CNTNAP2: variants seen among roughly 807,000 people sequenced by gnomAD.
The protein encoded by CNTNAP2 is contactin associated protein 2.
A neutral mutation model predicts 155.2 loss-of-function variants in CNTNAP2; 98 were observed. That is an observed-to-expected ratio of 0.63 (90% CI 0.54 to 0.75). The LOEUF (loss-of-function observed/expected upper bound fraction) is 0.75, where lower values mean the gene tolerates loss of function less well. CNTNAP2 is among the 30% of genes least tolerant of loss of function. The pLI, the probability that CNTNAP2 is intolerant of heterozygous loss-of-function variation, is 0.00. For synonymous variants in CNTNAP2, 651 were observed against 631.2 expected, an observed-to-expected ratio of 1.03 and a Z score of -0.47; for missense variants, 1,727 against 1,688.1, an observed-to-expected ratio of 1.02 and a Z score of -0.40.
Position 147,398,723 on chromosome 7 carries a change from T to C in CNTNAP2, c.1670+2943T>C, listed in dbSNP as rs188681131. 1.9e-3 allele frequency among the ~76,000 whole-genome samples: 272 copies of C among 145,350 alleles called. 1 individual carries two copies. Among genetic ancestry groups the C allele is most frequent in the African/African-American group, 6.5e-3 (251 of 38,862 alleles). On this transcript the variant is annotated intron_variant, in intron 10 of 23. Transcript: ENST00000361727. ...AAGCTACAGAATTATGCATTCAGTA[T>C]TTATTTTCTGAGTGCATACTAGATG... is the stretch of plus-strand genomic sequence containing the variant.
intron 8 of CNTNAP2, among the ~76,000 whole-genome samples, chr7:147,219,417 G>A (rs893866751): frequency 6.6e-6 from 1 of 152,150 alleles, no homozygotes; most frequent in Non-Finnish European, 1.5e-5. Flanking sequence ...ACTGGTCTAA[G>A]TCCAAGAGTC....
At chr7:146,343,276 A>T in intron 1 of CNTNAP2, among the ~76,000 whole-genome samples, 1 of 152,174 alleles carries the variant, frequency 6.6e-6, no homozygotes, top group Non-Finnish European at 1.5e-5. Flanking sequence ...ACGCTTAGAG[A>T]ACATTCCCAC....
intron 15 of CNTNAP2, among the ~76,000 whole-genome samples, chr7:148,016,852 G>A (rs896527494): frequency 6.6e-6 from 1 of 152,118 alleles, no homozygotes; most frequent in African/African-American, 2.4e-5. Flanking sequence ...TTCTGGAATA[G>A]CATTCCTTCC....
intron 13 of CNTNAP2, among the ~76,000 whole-genome samples, chr7:147,649,933 A>T (rs926036596): frequency 2.0e-5 from 3 of 152,030 alleles, no homozygotes; most frequent in Non-Finnish European, 4.4e-5. Flanking sequence ...TAAGGAGAAA[A>T]TTTTTAAAAA....
intron 4 of CNTNAP2, among the ~76,000 whole-genome samples, chr7:147,092,418 C>A (rs1426365456): frequency 6.6e-6 from 1 of 151,934 alleles, no homozygotes; most frequent in East Asian, 1.9e-4. Context: ...CAAGAGAAAC[C>A]CTGAATTTAT....
chr7:146,198,602 G>T (rs925195596), intron 1 of CNTNAP2, among the ~76,000 whole-genome samples: 1 of 152,034 alleles, frequency 6.6e-6, no homozygotes, highest in African/African-American at 2.4e-5. Flanking sequence ...TCTACGTTAT[G>T]GTATCATCTT....
intron 8 of CNTNAP2, among the ~76,000 whole-genome samples, chr7:147,173,437 G>A (rs1802271729): frequency 6.6e-6 from 1 of 152,068 alleles, no homozygotes; most frequent in South Asian, 2.1e-4. Context: ...AACTAGTACT[G>A]ACTTTGAATC....
At chr7:146,325,330 A>G (rs1801078440) in intron 1 of CNTNAP2, among the ~76,000 whole-genome samples, 1 of 152,232 alleles carries the variant, frequency 6.6e-6, no homozygotes, top group Non-Finnish European at 1.5e-5. Context: ...ATATATGTAC[A>G]ATATTAAGAA....
chr7:147,705,294 T>G (rs961061945), intron 13 of CNTNAP2, among the ~76,000 whole-genome samples: 72 of 152,304 alleles, frequency 4.7e-4, no homozygotes, highest in African/African-American at 1.5e-3. Context: ...CTTCCTTAAT[T>G]TCTTCCTTGA....
At chr7:147,011,297 C>T (rs1038134270) in intron 3 of CNTNAP2, among the ~76,000 whole-genome samples, 4 of 151,194 alleles carry the variant, frequency 2.6e-5, no homozygotes, top group African/African-American at 9.7e-5. Context: ...GCCTATAATC[C>T]CAGGTACTTG....
intron 17 of CNTNAP2, among the ~76,000 whole-genome samples, chr7:148,165,239 C>T (rs1472616981): frequency 2.6e-5 from 4 of 152,190 alleles, no homozygotes; most frequent in African/African-American, 9.7e-5. Flanking sequence ...GATCTTTTCT[C>T]TGTGCAAGAG....
chr7:147,986,796 T>C (rs892937230), intron 15 of CNTNAP2, among the ~76,000 whole-genome samples: 2 of 152,166 alleles, frequency 1.3e-5, no homozygotes, highest in African/African-American at 2.4e-5. Context: ...GAAATCTTGA[T>C]AGAAAACCTA....
intron 1 of CNTNAP2, among the ~76,000 whole-genome samples, chr7:146,411,846 A>ATTTATTTT (rs1554429873): frequency 0.014 from 1,163 of 85,160 alleles, 12 homozygotes; most frequent in African/African-American, 0.03. Context: ...TTATTTATTT[A>ATTTATTTT]TTTTATTTGA....
At chr7:146,388,489 G>T (rs765397788) in intron 1 of CNTNAP2, among the ~76,000 whole-genome samples, 6 of 152,050 alleles carry the variant, frequency 3.9e-5, no homozygotes, top group Admixed American at 2.0e-4. Context: ...TGGGGTACAT[G>T]AGATATTTTG....
chr7:147,626,554 A>C (rs1794981675), intron 12 of CNTNAP2, among the ~76,000 whole-genome samples: 2 of 152,104 alleles, frequency 1.3e-5, no homozygotes. Context: ...CTAGTAGCTG[A>C]TTACAAAAGA....
intron 13 of CNTNAP2, among the ~76,000 whole-genome samples, chr7:147,666,917 T>C (rs1263783763): frequency 1.3e-5 from 2 of 152,186 alleles, no homozygotes; most frequent in African/African-American, 2.4e-5. Context: ...TCTTCTTCAT[T>C]GAAGGCAATG....
intron 1 of CNTNAP2, among the ~76,000 whole-genome samples, chr7:146,764,146 C>T (rs1337353026): frequency 6.6e-6 from 1 of 152,082 alleles, no homozygotes; most frequent in African/African-American, 2.4e-5. Flanking sequence ...TGAGCCCAGC[C>T]CTTAGGAAGA....
At chr7:147,079,384 A>AT (rs1218228791) in intron 4 of CNTNAP2, among the ~76,000 whole-genome samples, 1 of 152,018 alleles carries the variant, frequency 6.6e-6, no homozygotes, top group Admixed American at 6.5e-5. Context: ...TTAGTGGGAC[A>AT]TGCAGTTTGG....
chr7:146,458,112 T>G (rs749627306), intron 1 of CNTNAP2, among the ~76,000 whole-genome samples: 5 of 151,832 alleles, frequency 3.3e-5, no homozygotes, highest in Non-Finnish European at 7.4e-5. Flanking sequence ...TGAGAACACA[T>G]GGAGGGGAAC....
Sources: gnomAD v4.1 joint callset for allele counts (sites outside exome capture counted in the v4.1 genomes callset) on GRCh38, gnomAD v4.1.1 for gene constraint, MANE v1.5 for transcripts, NCBI Gene and HGNC (gene_info 2026-07-23, HGNC 2026-07-21) for gene names.